ORC4: variants seen among roughly 807,000 people sequenced by gnomAD.
ORC4 encodes the protein origin recognition complex, subunit 4 homolog.
A neutral mutation model predicts 63.9 loss-of-function variants in ORC4; 55 were observed. The observed-to-expected ratio is 0.86, with a 90% CI of 0.69 to 1.08. ORC4 has a LOEUF of 1.08. Ranked by LOEUF, ORC4 falls within the 50% of genes least tolerant of loss-of-function variation. The pLI is 0.00. For synonymous variants in ORC4, 150 were observed against 168.5 expected, an observed-to-expected ratio of 0.89 and a Z score of 0.85; for missense variants, 511 against 504.4, an observed-to-expected ratio of 1.01 and a Z score of -0.13.
intron 8 of ORC4, chr2:147,951,369 T>C (rs1688951151): frequency 1.3e-5 from 2 of 152,240 alleles, no homozygotes; most frequent in African/African-American, 2.4e-5. Context: ...AAATCTCATG[T>C]TGAAATTTAA....
intron 1 of ORC4, among the ~76,000 whole-genome samples, chr2:147,998,505 G>T (rs903688482): frequency 6.6e-6 from 1 of 152,138 alleles, no homozygotes; most frequent in Non-Finnish European, 1.5e-5. Context: ...TTGTTATAAG[G>T]CCACTATGCA....
chr2:147,955,499 G>A (rs1689198664), intron 6 of ORC4, 104 bp from the exon 7 acceptor site: 1 of 778,916 alleles, frequency 1.3e-6, no homozygotes, highest in African/African-American at 1.7e-5. Context: ...ATATCTTCTA[G>A]TTATTAGAGT....
chr2:147,975,622 A>T (rs959080878), intron 2 of ORC4, among the ~76,000 whole-genome samples: 3 of 152,194 alleles, frequency 2.0e-5, no homozygotes, highest in Non-Finnish European at 4.4e-5. Context: ...TATTAAAAAA[A>T]ATATATGAAC....
upstream of ORC4, chr2:148,021,447 C>T: frequency 1.8e-6 from 1 of 568,522 alleles, no homozygotes; most frequent in South Asian, 1.5e-5. Context: ...GCAACACAGA[C>T]CCTTTGCTGC....
rs542531381 is a variant in ORC4, at chr2:147,950,702, T to G, written c.588+1671A>C. Among the ~76,000 whole-genome samples the G allele has an allele frequency of 4.6e-5, 7 of 150,566 alleles. No homozygotes were observed. The South Asian group carries it at 1.5e-3, about 32-fold the overall frequency. ...ATTGCTTGAACCCCGAAGGTGGAGG[T>G]TGCAGTGAGCCGAGATTATGCCATT... On this transcript the variant is annotated intron_variant, in intron 8 of 13. Transcript: ENST00000392857.
intron 1 of ORC4, among the ~76,000 whole-genome samples, chr2:147,998,779 T>A (rs961108645): frequency 6.6e-6 from 1 of 152,170 alleles, no homozygotes; most frequent in Non-Finnish European, 1.5e-5. Flanking sequence ...AGTATAGGAC[T>A]AAGAATTTGT....
At chr2:147,954,265 A>G (rs1248529247) in intron 7 of ORC4, among the ~76,000 whole-genome samples, 1 of 152,214 alleles carries the variant, frequency 6.6e-6, no homozygotes, top group East Asian at 1.9e-4. Flanking sequence ...AATAGGTCAA[A>G]GACCCAACAG....
chr2:148,011,685 G>A (rs539551528), intron 1 of ORC4, among the ~76,000 whole-genome samples: 9 of 152,246 alleles, frequency 5.9e-5, no homozygotes, highest in African/African-American at 2.2e-4. Flanking sequence ...AATTATCATT[G>A]TTTGCAGCTC....
Position 147,958,856 on chromosome 2 carries a change from T to A in ORC4, c.236A>T (p.His79Leu). 7.7e-7 allele frequency: 1 copy of A among 1,306,590 alleles called. No homozygotes were observed. The highest frequency in any genetic ancestry group is 1.1e-6 in the Non-Finnish European group (1 of 902,848). The allele number at this position is 1,306,590 out of a possible 1,614,324, so 80.9% of individuals were successfully genotyped here. A position where few individuals can be genotyped will look rare whatever the true frequency, so the allele number is the denominator to read the frequency against. Residue 79 changes from histidine to leucine, a missense_variant, in exon 5 of 14, where the codon CAT (histidine) becomes CTT (leucine). Transcript: ENST00000392857. The stretch of plus-strand genomic sequence containing the variant: ...TATTTCCATGAGTTCTTTCAAAGCA[T>A]GATTTATTAACTAAATATGAAAAGT... ...RGSGKTMLIN[H>L]ALKELMEIEE...
At chr2:148,006,742 T>C (rs1692662547) in intron 1 of ORC4, among the ~76,000 whole-genome samples, 1 of 152,212 alleles carries the variant, frequency 6.6e-6, no homozygotes, top group Non-Finnish European at 1.5e-5. Flanking sequence ...CTAACTAAAG[T>C]GGCCTTTGGC....
At chr2:147,999,477 C>G (rs898865496) in intron 1 of ORC4, among the ~76,000 whole-genome samples, 1 of 152,108 alleles carries the variant, frequency 6.6e-6, no homozygotes, top group African/African-American at 2.4e-5. Flanking sequence ...TTGGAGCTGT[C>G]CTATGCACTG....
chr2:148,008,356 T>C (rs1221983172), intron 1 of ORC4, among the ~76,000 whole-genome samples: 1 of 152,178 alleles, frequency 6.6e-6, no homozygotes, highest in Non-Finnish European at 1.5e-5. Context: ...CTTCTTCTTT[T>C]AGAAAATCAA....
rs1424486456 is a variant in ORC4 at position 147,931,612 on chromosome 2, TC to T, written c.*3897del. On this transcript the variant is annotated 3_prime_UTR_variant, in exon 14 of 14. Transcript: ENST00000392857. ...ACATCAAAAAGCTTATCCACCATGA[TC>T]AAGTGGGCTTCATCCCTGGGATGCA... is the stretch of plus-strand genomic sequence containing the variant. The T allele has an allele frequency of 6.6e-6, 1 of 152,144 alleles. No individual in the cohort carries two copies. The highest frequency in any genetic ancestry group is 6.6e-5 in the Admixed American group (1 of 15,254). The allele number at this position is 152,144 out of a possible 1,614,324, so 9.4% of individuals were successfully genotyped here. A position where few individuals can be genotyped will look rare whatever the true frequency, so the allele number is the denominator to read the frequency against.
rs578262781 is a variant in ORC4, at chr2:147,953,170, TAA to T, written c.437-648_437-647del. On this transcript the variant is annotated intron_variant, in intron 7 of 13. Coordinates refer to ENST00000392857, the MANE Select transcript of ORC4 (RefSeq NM_181741.4). ...CATGGTAAAACCCCATCTCTGCTAT[TAA>T]AAAAAAAAAAAAAAATTAGCTACTT... 3.7e-3 allele frequency among the ~76,000 whole-genome samples: 518 copies of T among 140,644 alleles called. 1 individual carries two copies. The highest frequency in any genetic ancestry group is 5.1e-3 in the Admixed American group (71 of 13,922). The allele number at this position is 140,644 out of a possible 152,430, so 92.3% of individuals were successfully genotyped here.
chr2:147,987,823 G>A (rs1302770837), intron 1 of ORC4, among the ~76,000 whole-genome samples: 1 of 152,082 alleles, frequency 6.6e-6, no homozygotes, highest in African/African-American at 2.4e-5. Flanking sequence ...GGAGGCCGAG[G>A]CGGGCAGATC....
intron 1 of ORC4, among the ~76,000 whole-genome samples, chr2:148,003,248 T>G (rs573456697): frequency 4.6e-5 from 7 of 152,236 alleles, no homozygotes; most frequent in Admixed American, 3.3e-4. Context: ...GGGACTCCTC[T>G]CTAACTCATT....
intron 4 of ORC4, among the ~76,000 whole-genome samples, chr2:147,967,627 G>T (rs560467210): frequency 6.3e-4 from 95 of 151,890 alleles, no homozygotes; most frequent in African/African-American, 2.0e-3. Flanking sequence ...AAACTACAAA[G>T]CACTGAAGAA....
intron 1 of ORC4, among the ~76,000 whole-genome samples, chr2:147,985,208 T>G (rs1691129377): frequency 6.6e-6 from 1 of 151,996 alleles, no homozygotes; most frequent in South Asian, 2.1e-4. Flanking sequence ...TGTTTTTTTG[T>G]TTTTTTGAGA....
chr2:147,991,740 A>G (rs1340846405), intron 1 of ORC4, among the ~76,000 whole-genome samples: 1 of 152,146 alleles, frequency 6.6e-6, no homozygotes, highest in African/African-American at 2.4e-5. Flanking sequence ...AGACAGGAGA[A>G]TCGCTTGAAC....
Sources: allele counts gnomAD v4.1 joint callset (sites outside exome capture counted in the v4.1 genomes callset), GRCh38; gene constraint gnomAD v4.1.1; transcripts MANE v1.5; gene names NCBI Gene and HGNC (gene_info 2026-07-23, HGNC 2026-07-21).